The following AGBL4 variants were observed in gnomAD, a reference collection of about 807,000 sequenced individuals.
AGBL4 encodes cytosolic carboxypeptidase 6.
In AGBL4, 58 loss-of-function variants were observed where a neutral mutation model predicts 66.4. The ratio of observed to expected loss-of-function variants is 0.87; its 90% CI spans 0.71 to 1.09. The LOEUF (loss-of-function observed/expected upper bound fraction) is 1.09. Among genes scored for constraint, AGBL4 ranks in the 50% least tolerant of loss-of-function variants. AGBL4 has a pLI of 0.00. For missense variants in AGBL4, 579 were observed against 631.0 expected, an observed-to-expected ratio of 0.92 and a Z score of 0.88; for synonymous variants, 234 against 222.9, an observed-to-expected ratio of 1.05 and a Z score of -0.44.
At chr1:48,846,135 A>G (rs191184646) in intron 6 of AGBL4, among the ~76,000 whole-genome samples, 1 of 152,142 alleles carries the variant, frequency 6.6e-6, no homozygotes, top group East Asian at 1.9e-4. Flanking sequence ...CATCAGAGAG[A>G]ATTCAGGCCC....
intron 6 of AGBL4, chr1:48,776,935 G>C: frequency 1.7e-6 from 1 of 579,384 alleles, no homozygotes; most frequent in Non-Finnish European, 2.8e-6. Context: ...GTGCTGGGGG[G>C]GGCGGGGGCG....
chr1:49,259,861 T>C, intron 3 of AGBL4, among the ~76,000 whole-genome samples: 2 of 136,030 alleles, frequency 1.5e-5, no homozygotes, highest in African/African-American at 5.5e-5. Flanking sequence ...TACATTTTTT[T>C]CAGCACCACA....
At chr1:49,938,265 C>G (rs866915016) in intron 1 of AGBL4, among the ~76,000 whole-genome samples, 1 of 152,022 alleles carries the variant, frequency 6.6e-6, no homozygotes, top group African/African-American at 2.4e-5. Flanking sequence ...ATAAATTCCT[C>G]GACACATACA....
intron 1 of AGBL4, among the ~76,000 whole-genome samples, chr1:49,915,030 T>C (rs780010863): frequency 1.2e-4 from 19 of 152,122 alleles, no homozygotes; most frequent in Non-Finnish European, 2.6e-4. Context: ...TTAAAGGAGA[T>C]AATCAAACCA....
intron 1 of AGBL4, among the ~76,000 whole-genome samples, chr1:49,974,410 G>A (rs1658393284): frequency 6.6e-6 from 1 of 152,120 alleles, no homozygotes; most frequent in Non-Finnish European, 1.5e-5. Flanking sequence ...CAAAGCCATT[G>A]AAATAAATGA....
At chr1:49,687,940 T>C (rs1333684831) in intron 3 of AGBL4, among the ~76,000 whole-genome samples, 1 of 152,184 alleles carries the variant, frequency 6.6e-6, no homozygotes, top group Non-Finnish European at 1.5e-5. Context: ...TTAATTTTTA[T>C]GGGCACATAG....
At chr1:48,570,394 G>A (rs937653986) in intron 11 of AGBL4, among the ~76,000 whole-genome samples, 1 of 152,210 alleles carries the variant, frequency 6.6e-6, no homozygotes, top group African/African-American at 2.4e-5. Flanking sequence ...GGCTGTGAGA[G>A]GTGGGACAGG....
chr1:48,609,604 G>C (rs1645205639), intron 9 of AGBL4, among the ~76,000 whole-genome samples: 1 of 151,972 alleles, frequency 6.6e-6, no homozygotes, highest in Non-Finnish European at 1.5e-5. Context: ...TGTATTTTTT[G>C]TACAGATAGG....
At chr1:49,983,530 C>G (rs1006562905) in intron 1 of AGBL4, among the ~76,000 whole-genome samples, 1 of 152,214 alleles carries the variant, frequency 6.6e-6, no homozygotes, top group African/African-American at 2.4e-5. Context: ...AGGCAGCCTG[C>G]CAGGTGAAGT....
chr1:49,060,737 G>A (rs1480136238), intron 4 of AGBL4, among the ~76,000 whole-genome samples: 1 of 152,088 alleles, frequency 6.6e-6, no homozygotes, highest in Non-Finnish European at 1.5e-5. Context: ...CAGGAAAATA[G>A]GACAATATAG....
In AGBL4 at chr1:48,767,446, T is replaced by C. The variant is rs182225319; in HGVS notation, c.634+99745A>G. 2.1e-4 allele frequency among the ~76,000 whole-genome samples: 32 copies of C among 152,130 alleles called. No individual in the cohort carries two copies. The East Asian group carries it at 5.8e-3, about 28-fold the overall frequency. On this transcript the variant is annotated intron_variant, in intron 6 of 13. Transcript: ENST00000371839. ...AGACTGAGACATGATGAAAGAGATG[T>C]TTTAGGAAGATTAATGTGACAGTGG...
intron 5 of AGBL4, among the ~76,000 whole-genome samples, chr1:48,981,183 A>C (rs1312072210): frequency 6.6e-6 from 1 of 152,202 alleles, no homozygotes; most frequent in Non-Finnish European, 1.5e-5. Context: ...GTATTTTGTT[A>C]CGAGGCCTGG....
intron 3 of AGBL4, among the ~76,000 whole-genome samples, chr1:49,482,256 G>C (rs953657421): frequency 6.6e-6 from 1 of 151,832 alleles, no homozygotes; most frequent in African/African-American, 2.4e-5. Flanking sequence ...AATCCATCTG[G>C]TCCTGGGTAG....
chr1:49,076,516 G>A (rs1644713017), intron 4 of AGBL4, among the ~76,000 whole-genome samples: 1 of 152,144 alleles, frequency 6.6e-6, no homozygotes, highest in Admixed American at 6.5e-5. Flanking sequence ...GTCTGGAAAA[G>A]TTTCCTGTTC....
At chr1:49,915,196 G>A (rs1326431566) in intron 1 of AGBL4, among the ~76,000 whole-genome samples, 3 of 152,160 alleles carry the variant, frequency 2.0e-5, no homozygotes, top group Admixed American at 2.0e-4. Flanking sequence ...TTCCAACGGA[G>A]GTACTGGGTT....
intron 2 of AGBL4, among the ~76,000 whole-genome samples, chr1:49,823,778 A>ATTGTGTG (rs1553128692): frequency 6.8e-6 from 1 of 147,478 alleles, no homozygotes; most frequent in African/African-American, 2.5e-5. Flanking sequence ...AGGCTGCATA[A>ATTGTGTG]TGTGTGTGTG....
At chr1:49,389,600 A>C (rs1570596476) in intron 3 of AGBL4, among the ~76,000 whole-genome samples, 2 of 152,056 alleles carry the variant, frequency 1.3e-5, no homozygotes, top group Admixed American at 6.6e-5. Flanking sequence ...TCCTGACACT[A>C]CTTGTTATAA....
chr1:49,261,319 C>A (rs1653138958), intron 3 of AGBL4, among the ~76,000 whole-genome samples: 1 of 152,076 alleles, frequency 6.6e-6, no homozygotes, highest in African/African-American at 2.4e-5. Context: ...GGAAATTAGG[C>A]AGGAGAAGGA....
chr1:49,730,830 C>T (rs538932098), intron 2 of AGBL4, among the ~76,000 whole-genome samples: 6 of 152,238 alleles, frequency 3.9e-5, no homozygotes, highest in Admixed American at 2.0e-4. Context: ...TTCTGGCTGG[C>T]GAAGTGGCAC....
Sources: allele counts gnomAD v4.1 joint callset (sites outside exome capture counted in the v4.1 genomes callset), GRCh38; gene constraint gnomAD v4.1.1; transcripts MANE v1.5; gene names NCBI Gene and HGNC (gene_info 2026-07-23, HGNC 2026-07-21).